Variants in LRP1B observed in about 807,000 individuals in gnomAD.
The protein encoded by LRP1B is LDL receptor related protein 1B, also known as low-density lipoprotein receptor-related protein 1B.
A neutral mutation model predicts 556.6 loss-of-function variants in LRP1B; 217 were observed. The observed-to-expected ratio is 0.39, with a 90% confidence interval of 0.35 to 0.44. The LOEUF (loss-of-function observed/expected upper bound fraction) is 0.44. Ranked by LOEUF, LRP1B falls within the 20% of genes least tolerant of loss-of-function variation. The pLI, the probability that LRP1B is intolerant of heterozygous loss-of-function variation, is 1.00. For synonymous variants in LRP1B, 2,047 were observed against 1,865.8 expected, an observed-to-expected ratio of 1.10 and a Z score of -2.50; for missense variants, 5,053 against 5,620.8, an observed-to-expected ratio of 0.90 and a Z score of 3.23.
intron 43 of LRP1B, among the ~76,000 whole-genome samples, chr2:140,562,761 C>T (rs796655900): frequency 3.1e-4 from 47 of 152,132 alleles, no homozygotes; most frequent in African/African-American, 1.1e-3. Context: ...GCTGGATTTA[C>T]AGGCATGCAC....
chr2:140,514,976 G>A (rs4583394), intron 50 of LRP1B, among the ~76,000 whole-genome samples: 105,827 of 151,598 alleles, frequency 0.7, 37,419 homozygotes, highest in Middle Eastern at 0.82. Flanking sequence ...ATACAACCAC[G>A]ATTTGTTCAA....
chr2:141,966,316 A>T lies in LRP1B; in HGVS notation c.83-155915T>A, dbSNP rs1000464432. On this transcript the variant is annotated intron_variant, in intron 1 of 90. Coordinates refer to ENST00000389484, the MANE Select transcript of LRP1B (RefSeq NM_018557.3). ...CATCTAATATTCCATGGAGTGTTAA[A>T]ATGTTGTGAAGAAAAACAAAGCCTG... 2.0e-5 allele frequency among the ~76,000 whole-genome samples: 3 copies of T among 151,890 alleles called. No homozygotes were observed. In the East Asian group the frequency reaches 5.8e-4, roughly 30 times the overall value.
chr2:141,271,381 C>A, intron 3 of LRP1B, among the ~76,000 whole-genome samples: 1 of 147,768 alleles, frequency 6.8e-6, no homozygotes. Flanking sequence ...TTAAAAAAAT[C>A]AACACAACCA....
chr2:141,044,265 C>T lies in LRP1B; in HGVS notation c.1789+4721G>A, dbSNP rs867817158. Reference sequence around the variant, plus strand: ...CCTTCCTTACACCTTATACAAAAATCAATTCAAGGTGGATTAAAGACTTAA... The same window carrying T: ...CCTTCCTTACACCTTATACAAAAATTAATTCAAGGTGGATTAAAGACTTAA... On this transcript the variant is annotated intron_variant, in intron 11 of 90. Transcript: ENST00000389484. Among the ~76,000 whole-genome samples, 589 of 151,456 alleles carry T rather than the reference C, an allele frequency of 3.9e-3. 5 individuals carry two copies. The highest frequency in any genetic ancestry group is 0.012 in the African/African-American group (503 of 41,238).
At position 140,575,626 on chromosome 2, in the gene LRP1B, A is replaced by G. The variant is rs961452427; in HGVS notation, c.7194+23005T>C. ...GGAATAGGGTTTTAGCTCAGGAAAAATTCTAAAAAGAATCAGGCTGGGCGC... is the reference window on the plus strand; with the variant it reads ...GGAATAGGGTTTTAGCTCAGGAAAAGTTCTAAAAAGAATCAGGCTGGGCGC... On this transcript the variant is annotated intron_variant, in intron 43 of 90. Transcript: ENST00000389484. 3.3e-5 allele frequency among the ~76,000 whole-genome samples: 5 copies of G among 152,242 alleles called. No homozygotes were observed. In the South Asian group the frequency reaches 6.2e-4, roughly 19 times the overall value.
chr2:141,406,724 A>G (rs1336877541), intron 3 of LRP1B, among the ~76,000 whole-genome samples: 1 of 152,088 alleles, frequency 6.6e-6, no homozygotes, highest in Non-Finnish European at 1.5e-5. Flanking sequence ...GCTTGGAATC[A>G]GCTACTCCTC....
intron 7 of LRP1B, among the ~76,000 whole-genome samples, chr2:141,116,246 G>A (rs1165908043): frequency 2.6e-5 from 4 of 152,018 alleles, no homozygotes; most frequent in South Asian, 2.1e-4. Flanking sequence ...GAGAGGAAAC[G>A]TTTTCATTTT....
chr2:141,750,154 T>G (rs1372102220), intron 2 of LRP1B, among the ~76,000 whole-genome samples: 1 of 152,106 alleles, frequency 6.6e-6, no homozygotes, highest in African/African-American at 2.4e-5. Context: ...ATTACCAATT[T>G]CCAGAGCGAA....
At chr2:141,760,723 T>A (rs956948446) in intron 2 of LRP1B, among the ~76,000 whole-genome samples, 2 of 152,176 alleles carry the variant, frequency 1.3e-5, no homozygotes, top group African/African-American at 4.8e-5. Context: ...CGTGATGGAT[T>A]TATATTGGAA....
intron 41 of LRP1B, among the ~76,000 whole-genome samples, chr2:140,635,082 A>G (rs1684025112): frequency 6.6e-6 from 1 of 152,120 alleles, no homozygotes; most frequent in African/African-American, 2.4e-5. Context: ...CAATTTTTCT[A>G]TAAATCTCAA....
In LRP1B at chr2:141,770,225, C is replaced by T. The variant is rs1015003650; in HGVS notation, c.205+40054G>A. On this transcript the variant is annotated intron_variant, in intron 2 of 90. Transcript: ENST00000389484. ...GCCTTTTTTGCATTTTGCATCTATGCTTTCTCTTATGCACTTCCCTTATTT... is the reference window on the plus strand; with the variant it reads ...GCCTTTTTTGCATTTTGCATCTATGTTTTCTCTTATGCACTTCCCTTATTT... 5.9e-5 allele frequency among the ~76,000 whole-genome samples: 9 copies of T among 151,772 alleles called. No homozygotes were observed. The South Asian group carries it at 1.9e-3, about 32-fold the overall frequency.
intron 3 of LRP1B, among the ~76,000 whole-genome samples, chr2:141,462,831 A>T (rs930860810): frequency 7.0e-6 from 1 of 142,112 alleles, no homozygotes; most frequent in African/African-American, 2.6e-5. Context: ...TTTTAATTGA[A>T]AAATAAGTAA....
chr2:141,455,017 A>G (rs1257421535), intron 3 of LRP1B, among the ~76,000 whole-genome samples: 1 of 152,160 alleles, frequency 6.6e-6, no homozygotes, highest in East Asian at 1.9e-4. Context: ...TGCATTCAAA[A>G]TGCAATAGAA....
chr2:141,075,293 G>A (rs1033379156), intron 7 of LRP1B, among the ~76,000 whole-genome samples: 1 of 152,080 alleles, frequency 6.6e-6, no homozygotes, highest in East Asian at 1.9e-4. Flanking sequence ...AATTAAAACT[G>A]AATAGAGATA....
intron 73 of LRP1B, 149 bp from the exon 74 acceptor site, chr2:140,358,265 A>C (rs1432104319): frequency 1.5e-6 from 1 of 653,676 alleles, no homozygotes; most frequent in East Asian, 2.7e-5. Context: ...ATTTTTAAAC[A>C]TTCTGAAATT....
chr2:141,179,681 A>C (rs531715461), intron 7 of LRP1B, among the ~76,000 whole-genome samples: 4 of 151,974 alleles, frequency 2.6e-5, no homozygotes, highest in East Asian at 1.9e-4. Flanking sequence ...ACCACCACCA[A>C]CACCACGACC....
chr2:140,254,971 A>T (rs1681613229), intron 86 of LRP1B, among the ~76,000 whole-genome samples: 1 of 152,206 alleles, frequency 6.6e-6, no homozygotes, highest in Admixed American at 6.5e-5. Flanking sequence ...AGCTTTCTTC[A>T]AAATCTAGAA....
intron 1 of LRP1B, among the ~76,000 whole-genome samples, chr2:142,111,476 G>A (rs752116189): frequency 2.0e-4 from 31 of 152,136 alleles, no homozygotes; most frequent in Non-Finnish European, 2.2e-4. Context: ...AGTATAGGAA[G>A]CAAAACATGA....
At chr2:141,715,943 G>A (rs756199217) in intron 2 of LRP1B, among the ~76,000 whole-genome samples, 7 of 152,174 alleles carry the variant, frequency 4.6e-5, no homozygotes, top group Non-Finnish European at 8.8e-5. Flanking sequence ...TTACCTTTTT[G>A]TATGGGAATA....
Sources: allele counts gnomAD v4.1 joint callset (sites outside exome capture counted in the v4.1 genomes callset), GRCh38; gene constraint gnomAD v4.1.1; transcripts MANE v1.5; gene names NCBI Gene and HGNC (gene_info 2026-07-23, HGNC 2026-07-21).